GART: variants seen among roughly 807,000 people sequenced by gnomAD.
The protein encoded by GART is trifunctional purine biosynthetic protein adenosine-3.
In GART, 43 loss-of-function variants were observed where a neutral mutation model predicts 107.2. The ratio of observed to expected loss-of-function variants is 0.40; its 90% CI spans 0.31 to 0.52. The LOEUF (loss-of-function observed/expected upper bound fraction) is 0.52, where lower values mean the gene tolerates loss of function less well. Ranked by LOEUF, GART falls within the 20% of genes least tolerant of loss-of-function variation. The pLI is 0.52. For synonymous variants in GART, 434 were observed against 427.0 expected (o/e 1.02, Z -0.20); for missense variants, 1,107 against 1,206.5 (o/e 0.92, Z 1.22).
chr21:33,510,943 T>C (rs960282312), intron 17 of GART, among the ~76,000 whole-genome samples: 1 of 152,176 alleles, frequency 6.6e-6, no homozygotes, highest in African/African-American at 2.4e-5. Flanking sequence ...GTCAGGGTGC[T>C]TGCTCGCTAT....
intron 10 of GART, 80 bp from the exon 11 acceptor site, chr21:33,525,080 G>T: frequency 1.4e-6 from 2 of 1,423,958 alleles, no homozygotes; most frequent in African/African-American, 1.5e-5. Flanking sequence ...ATTTCCACAA[G>T]TTTCTTTTTT....
At chr21:33,536,060 C>T (rs193224616) in intron 2 of GART, among the ~76,000 whole-genome samples, 1 of 152,048 alleles carries the variant, frequency 6.6e-6, no homozygotes, top group East Asian at 1.9e-4. Context: ...TCAACACAAG[C>T]AGGGTCCCTA....
At chr21:33,515,383 T>C (rs1473230134) in intron 16 of GART, among the ~76,000 whole-genome samples, 1 of 152,206 alleles carries the variant, frequency 6.6e-6, no homozygotes, top group Non-Finnish European at 1.5e-5. Flanking sequence ...GGCTCATGCC[T>C]GTAATCCCAG....
chr21:33,527,609 T>C (rs2085098772), intron 10 of GART, among the ~76,000 whole-genome samples: 1 of 152,164 alleles, frequency 6.6e-6, no homozygotes, highest in African/African-American at 2.4e-5. Flanking sequence ...CCTTTGGACT[T>C]ACGGCACTGG....
At chr21:33,536,479 C>T (rs546103455) in intron 2 of GART, among the ~76,000 whole-genome samples, 1 of 152,302 alleles carries the variant, frequency 6.6e-6, no homozygotes, top group African/African-American at 2.4e-5. Context: ...ACAGTTGTCC[C>T]TCTTTATCCT....
chr21:33,529,325 T>C (rs917029557), intron 7 of GART, among the ~76,000 whole-genome samples: 4 of 152,206 alleles, frequency 2.6e-5, no homozygotes, highest in Non-Finnish European at 5.9e-5. Flanking sequence ...GACCCAGATA[T>C]AGTTCTTAGA....
intron 4 of GART, among the ~76,000 whole-genome samples, chr21:33,532,821 C>T (rs2085219128): frequency 6.6e-6 from 1 of 152,102 alleles, no homozygotes; most frequent in Non-Finnish European, 1.5e-5. Context: ...CAACAGTAAG[C>T]ATACACAGAC....
chr21:33,511,845 T>C (rs1326923057), intron 16 of GART, among the ~76,000 whole-genome samples: 1 of 152,162 alleles, frequency 6.6e-6, no homozygotes, highest in Non-Finnish European at 1.5e-5. Context: ...AATGCAAAAC[T>C]AGATGGCTTA....
intron 12 of GART, among the ~76,000 whole-genome samples, chr21:33,521,821 T>C (rs767353292): frequency 1.3e-5 from 2 of 151,044 alleles, no homozygotes; most frequent in Non-Finnish European, 2.9e-5. Flanking sequence ...TAGCCAGGCA[T>C]GATGGTGGGT....
intron 7 of GART, among the ~76,000 whole-genome samples, chr21:33,530,210 A>G (rs920843271): frequency 3.9e-5 from 6 of 152,232 alleles, no homozygotes; most frequent in Admixed American, 3.3e-4. Flanking sequence ...CAACAAAAAC[A>G]AAAACTGTGC....
chr21:33,539,721 T>C (rs1301008312), intron 1 of GART, among the ~76,000 whole-genome samples: 1 of 151,718 alleles, frequency 6.6e-6, no homozygotes, highest in East Asian at 1.9e-4. Context: ...GATTTGTAAA[T>C]ATAATTTAAG....
chr21:33,531,746 G>A (rs2085195332), intron 5 of GART, 189 bp from the exon 6 acceptor site: 1 of 575,028 alleles, frequency 1.7e-6, no homozygotes, highest in African/African-American at 1.9e-5. Flanking sequence ...TGGCAATAGT[G>A]TAGCTAACAC....
rs147122322 is a variant in GART, at chr21:33,509,890, A to G, written c.2345T>C (p.Ile782Thr). 7.7e-4 allele frequency: 1,236 copies of G among 1,613,710 alleles called. 1 individual carries two copies. Among genetic ancestry groups the G allele is most frequent in the Non-Finnish European group, 9.9e-4 (1,168 of 1,179,796 alleles). Residue 782 changes from isoleucine to threonine, a missense_variant, in exon 18 of 22, where the codon ATT becomes ACT. Physicochemically the swap from Ile to Thr is moderately conservative, Grantham distance 89 (BLOSUM62 -1). Coordinates refer to ENST00000381815, the MANE Select transcript of GART (RefSeq NM_000819.5). Reference sequence around the variant, plus strand: ...TGACCCATTTATTTGCATGCTTTCAATCAGATTCTTGACTTTCACACGTGG... The same window carrying G: ...TGACCCATTTATTTGCATGCTTTCAGTCAGATTCTTGACTTTCACACGTGG... ...GSPRVKVKNL[I>T]ESMQINGSVL...
chr21:33,506,174 ACT>A, intron 18 of GART, 70 bp from the exon 19 acceptor site: 2 of 1,535,502 alleles, frequency 1.3e-6, no homozygotes, highest in African/African-American at 2.8e-5. Flanking sequence ...AGGGAGTCTC[ACT>A]CTGTCGCCCA....
intron 11 of GART, chr21:33,523,877 G>T: frequency 2.9e-6 from 1 of 345,326 alleles, no homozygotes; most frequent in Non-Finnish European, 4.0e-6. Context: ...TGAGGAAGGG[G>T]AATCACTTGA....
intron 11 of GART, among the ~76,000 whole-genome samples, chr21:33,522,944 C>T (rs2084999463): frequency 6.6e-6 from 1 of 152,184 alleles, no homozygotes; most frequent in African/African-American, 2.4e-5. Context: ...ACAAGTATCC[C>T]TAAATAATTA....
chr21:33,518,942 T>A, intron 14 of GART: 1 of 460,094 alleles, frequency 2.2e-6, no homozygotes, highest in Non-Finnish European at 4.3e-6. Flanking sequence ...TTTAGGTTGT[T>A]AAAGTGGATC....
Position 33,522,263 on chromosome 21 carries a change from A to T in GART, c.1318T>A (p.Ser440Thr). ...TTTCCAGCTGCGATATCTACTCCAGATTCCTTGTAAGTCAAACTCCTAAAG... is the reference window on the plus strand; with the variant it reads ...TTTCCAGCTGCGATATCTACTCCAGTTTCCTTGTAAGTCAAACTCCTAAAG... ...QQPRSLTYKE[S>T]GVDIAAGNML... is the part of the protein sequence containing the mutation. The change falls in exon 12 of 22, where the codon TCT becomes ACT. Residue 440 changes from serine (S) to threonine (T), a missense_variant. Ser to Thr is a moderately conservative substitution (Grantham distance 58). Coordinates refer to ENST00000381815, the MANE Select transcript of GART (RefSeq NM_000819.5). 1 of 1,613,604 alleles carries T rather than the reference A, an allele frequency of 6.2e-7. No individual in the cohort carries two copies. The highest frequency in any genetic ancestry group is 8.5e-7 in the Non-Finnish European group (1 of 1,179,594).
intron 6 of GART, 141 bp downstream of exon 6, chr21:33,531,348 A>T: frequency 1.3e-6 from 1 of 741,058 alleles, no homozygotes; most frequent in South Asian, 2.0e-5. Context: ...CCCAACAATA[A>T]AAGTATACAA....
Sources: allele counts gnomAD v4.1 joint callset (sites outside exome capture counted in the v4.1 genomes callset), GRCh38; gene constraint gnomAD v4.1.1; transcripts MANE v1.5; gene names NCBI Gene and HGNC (gene_info 2026-07-23, HGNC 2026-07-21).